RBM19: variants seen among roughly 807,000 people sequenced by gnomAD.
RBM19 encodes the protein RNA binding motif protein 19.
A neutral mutation model predicts 116.8 loss-of-function variants in RBM19; 94 were observed. That is an observed-to-expected ratio of 0.80 (90% CI 0.68 to 0.95). The LOEUF (loss-of-function observed/expected upper bound fraction) is 0.95. Among genes scored for constraint, RBM19 ranks in the 40% least tolerant of loss-of-function variants. RBM19 has a pLI of 0.00. For synonymous variants in RBM19, 475 were observed against 494.1 expected, an observed-to-expected ratio of 0.96 and a Z score of 0.51; for missense variants, 1,161 against 1,220.7, an observed-to-expected ratio of 0.95 and a Z score of 0.73.
rs202108762 is a variant in RBM19, at chr12:113,942,370, C to T, written c.1691G>A (p.Arg564Gln). The part of the protein sequence containing the change: ...LGETQLVQEV[R>Q]RFLIDNGVSL... ...GACCCCGTTGTCTATGAGAAAACGC[C>T]GCACTTCCTGGACGAGCTGGGTTTC... Residue 564 changes from arginine to glutamine, a missense_variant, in exon 14 of 24, where the codon CGG becomes CAG. Coordinates refer to ENST00000261741, the MANE Select transcript of RBM19 (RefSeq NM_016196.4). 136 of 1,609,320 alleles carry T rather than the reference C, an allele frequency of 8.5e-5. No individual in the cohort carries two copies. Among genetic ancestry groups the T allele is most frequent in the Admixed American group, 3.2e-4 (19 of 59,978 alleles).
chr12:113,872,306 A>T (rs1472088708), intron 21 of RBM19, among the ~76,000 whole-genome samples: 1 of 147,622 alleles, frequency 6.8e-6, no homozygotes, highest in African/African-American at 2.5e-5. Flanking sequence ...CCCGTCTGAG[A>T]AGTGAGGAGC....
At chr12:113,911,203 G>T (rs554545045) in intron 21 of RBM19, among the ~76,000 whole-genome samples, 1 of 152,232 alleles carries the variant, frequency 6.6e-6, no homozygotes, top group East Asian at 1.9e-4. Flanking sequence ...GTGTGTACAT[G>T]CATACTTGCA....
rs71433305 is a variant in RBM19 at position 113,944,093 on chromosome 12, G to GTTTTTTTTTTTTTTTTTT, written c.1627-1677_1627-1660dup. On this transcript the variant is annotated intron_variant, in intron 13 of 23. Coordinates refer to ENST00000261741, the MANE Select transcript of RBM19 (RefSeq NM_016196.4). ...CAGCTGCCTCTAACTCCAGATGCAT[G>GTTTTTTTTTTTTTTTTTT]TTTTTTTTTTTTTTTTTTTTTTTTG... Among the ~76,000 whole-genome samples the GTTTTTTTTTTTTTTTTTT allele has an allele frequency of 1.5e-3, 99 of 67,644 alleles. 12 individuals carry two copies. Among genetic ancestry groups the GTTTTTTTTTTTTTTTTTT allele is most frequent in the Non-Finnish European group, 1.8e-3 (72 of 38,960 alleles). The allele number at this position is 67,644 out of a possible 152,430, so 44.4% of individuals were successfully genotyped here. A position where few individuals can be genotyped will look rare whatever the true frequency, so the allele number is the denominator to read the frequency against.
intron 21 of RBM19, among the ~76,000 whole-genome samples, chr12:113,888,435 C>T (rs1440458716): frequency 6.6e-6 from 1 of 152,206 alleles, no homozygotes; most frequent in Non-Finnish European, 1.5e-5. Context: ...ACTGTCTCAT[C>T]TGTCAATGTG....
chr12:113,835,237 T>C (rs1352185892), intron 23 of RBM19, among the ~76,000 whole-genome samples: 1 of 152,148 alleles, frequency 6.6e-6, no homozygotes, highest in Non-Finnish European at 1.5e-5. Flanking sequence ...TCAATTAAAT[T>C]CTAATCATCA....
Position 113,962,363 on chromosome 12 carries a change from C to T in RBM19, c.88G>A (p.Asp30Asn). 1.2e-6 allele frequency: 2 copies of T among 1,614,248 alleles called. No individual in the cohort carries two copies. The highest frequency in any genetic ancestry group is 8.5e-7 in the Non-Finnish European group (1 of 1,180,018). The stretch of plus-strand genomic sequence containing the variant: ...TCTTTGGTGAACTTCAGGCTGCAGT[C>T]TGTCAGCGTGCCGAAGGCGGCAAAC... Reference protein sequence around the residue: ...QLFAAFGTLTDCSLKFTKDGK... With the variant: ...QLFAAFGTLTNCSLKFTKDGK... The change falls in exon 2 of 24, where the codon GAC becomes AAC. Residue 30 changes from aspartate to asparagine, a missense_variant. Coordinates refer to ENST00000261741, the MANE Select transcript of RBM19 (RefSeq NM_016196.4).
chr12:113,823,115 C>T lies in RBM19; in HGVS notation c.*109G>A. On this transcript the variant is annotated 3_prime_UTR_variant, in exon 24 of 24. Coordinates refer to ENST00000261741, the MANE Select transcript of RBM19 (RefSeq NM_016196.4). ...CTTGGACCAGTGCAGGGTGGGGCCG[C>T]CTGCCGCTCCCCGCCCCGCCCCCCA... 9.8e-7 allele frequency: 1 copy of T among 1,021,208 alleles called. No individual in the cohort carries two copies. Among genetic ancestry groups the T allele is most frequent in the Non-Finnish European group, 1.4e-6 (1 of 698,686 alleles). 63.3% of individuals were successfully genotyped at this position (1,021,208 alleles called of 1,614,324 possible).
chr12:113,944,373 T>C (rs553693390), intron 13 of RBM19, among the ~76,000 whole-genome samples: 4 of 152,038 alleles, frequency 2.6e-5, no homozygotes, highest in African/African-American at 9.6e-5. Context: ...GCTCGGTTTA[T>C]AGGTGTGAGC....
At chr12:113,861,289 CCT>C (rs969289513) in intron 21 of RBM19, among the ~76,000 whole-genome samples, 1 of 152,182 alleles carries the variant, frequency 6.6e-6, no homozygotes, top group Non-Finnish European at 1.5e-5. Context: ...CTAGGAATGC[CCT>C]GTGTGGACTC....
At chr12:113,926,335 C>T (rs565716524) in intron 17 of RBM19, among the ~76,000 whole-genome samples, 3 of 152,278 alleles carry the variant, frequency 2.0e-5, no homozygotes, top group South Asian at 2.1e-4. Context: ...AAGTTGATGG[C>T]GATCAGCCTG....
rs1881370863 is a variant in RBM19 at position 113,896,874 on chromosome 12, C to G, written c.2558+18095G>C. On this transcript the variant is annotated intron_variant, in intron 21 of 23. Coordinates refer to ENST00000261741, the MANE Select transcript of RBM19 (RefSeq NM_016196.4). ...GCTGCAGGATCTTTTCATGGCACTC[C>G]TAGGCCGAAAGAAATACCTAACAGT... is the stretch of plus-strand genomic sequence containing the variant. Among the ~76,000 whole-genome samples the G allele has an allele frequency of 3.9e-5, 6 of 152,210 alleles. No individual in the cohort carries two copies. In the South Asian group the frequency reaches 1.2e-3, roughly 32 times the overall value.
chr12:113,845,246 G>A (rs1008518447), intron 22 of RBM19, among the ~76,000 whole-genome samples: 4 of 151,850 alleles, frequency 2.6e-5, no homozygotes, highest in Admixed American at 1.3e-4. Context: ...TGTCCCCCAC[G>A]CTGCTCTTGA....
At chr12:113,959,026 G>A (rs980361162) in intron 5 of RBM19, among the ~76,000 whole-genome samples, 186 bp downstream of exon 5, 1 of 152,342 alleles carries the variant, frequency 6.6e-6, no homozygotes, top group South Asian at 2.1e-4. Context: ...TTTGTTGACT[G>A]ACTGACTGAA....
At chr12:113,838,515 C>T (rs980223657) in intron 23 of RBM19, among the ~76,000 whole-genome samples, 5 of 152,188 alleles carry the variant, frequency 3.3e-5, no homozygotes, top group African/African-American at 1.2e-4. Flanking sequence ...ACAGGGAGAG[C>T]ACACAAACTG....
intron 23 of RBM19, among the ~76,000 whole-genome samples, chr12:113,824,702 T>C (rs1874710074): frequency 6.6e-6 from 1 of 151,914 alleles, no homozygotes; most frequent in East Asian, 1.9e-4. Flanking sequence ...GAAGACTTGG[T>C]TTCCCTCTGC....
Position 113,854,532 on chromosome 12 carries a change from G to A in RBM19, c.2664+4259C>T, listed in dbSNP as rs369983500. Among the ~76,000 whole-genome samples, 17 of 152,186 alleles carry A rather than the reference G, an allele frequency of 1.1e-4. 1 individual carries two copies. Among genetic ancestry groups the A allele is most frequent in the African/African-American group, 3.9e-4 (16 of 41,504 alleles). On this transcript the variant is annotated intron_variant, in intron 22 of 23. Transcript: ENST00000261741. ...TGGGGAAGGCTCTTTAAGAAATGCC[G>A]GATCATCACACCTGGAGGTTTAGAT...
chr12:113,869,821 C>A (rs1306542527), intron 21 of RBM19, among the ~76,000 whole-genome samples: 1 of 152,202 alleles, frequency 6.6e-6, no homozygotes, highest in Non-Finnish European at 1.5e-5. Flanking sequence ...GGCCTGATAT[C>A]TCCAAGGTAA....
chr12:113,886,299 A>G (rs1430324401), intron 21 of RBM19, among the ~76,000 whole-genome samples: 1 of 151,998 alleles, frequency 6.6e-6, no homozygotes, highest in Non-Finnish European at 1.5e-5. Flanking sequence ...TGCCCGGCTA[A>G]TTTTTAAATT....
rs770142749 is a variant in RBM19, at chr12:113,946,402, G to A, written c.1481C>T (p.Ser494Leu). The A allele has an allele frequency of 3.1e-5, 50 of 1,613,952 alleles. No individual in the cohort carries two copies. The highest frequency in any genetic ancestry group is 1.7e-4 in the Admixed American group (10 of 59,996). The change falls in exon 12 of 24, where the codon TCG (serine) becomes TTG (leucine). Residue 494 changes from serine (S) to leucine (L), a missense_variant. Physicochemically the swap from Ser to Leu is moderately radical, Grantham distance 145 (BLOSUM62 -2). Coordinates refer to ENST00000261741, the MANE Select transcript of RBM19 (RefSeq NM_016196.4). ...ASEDASALGS[S>L]SYKKKKEAQD... Reference sequence around the variant, plus strand: ...GGCCTCCTTCTTCTTCTTGTAGGACGACGATCCCAGGGCACTGGCATCCTC... The same window carrying A: ...GGCCTCCTTCTTCTTCTTGTAGGACAACGATCCCAGGGCACTGGCATCCTC...
Sources: gnomAD v4.1 joint callset for allele counts (sites outside exome capture counted in the v4.1 genomes callset) on GRCh38, gnomAD v4.1.1 for gene constraint, MANE v1.5 for transcripts, NCBI Gene and HGNC (gene_info 2026-07-23, HGNC 2026-07-21) for gene names.